The following ETNK2 variants were observed in gnomAD, a reference collection of about 807,000 sequenced individuals.
ETNK2 encodes ethanolamine kinase-like protein.
Under a neutral mutation model 46.2 loss-of-function variants are expected in ETNK2, and 33 were observed. The ratio of observed to expected loss-of-function variants is 0.71; its 90% CI spans 0.54 to 0.96. ETNK2 has a LOEUF of 0.96. ETNK2 is among the 40% of genes least tolerant of loss of function. The pLI, the probability that ETNK2 is intolerant of heterozygous loss-of-function variation, is 0.00. For missense variants in ETNK2, 445 were observed against 509.7 expected (o/e 0.87, Z 1.22); for synonymous variants, 194 against 209.0 (o/e 0.93, Z 0.62).
At chr1:204,139,689 T>A (rs1266666708) in intron 5 of ETNK2, among the ~76,000 whole-genome samples, 2 of 152,212 alleles carry the variant, frequency 1.3e-5, no homozygotes, top group Admixed American at 1.3e-4. Flanking sequence ...ATGACAGGGA[T>A]ACCTTCTGAG....
At chr1:204,137,853 A>G (rs1306077705) in intron 5 of ETNK2, among the ~76,000 whole-genome samples, 1 of 152,090 alleles carries the variant, frequency 6.6e-6, no homozygotes, top group East Asian at 1.9e-4. Context: ...GAACCCATGG[A>G]TCAGATGGCT....
At chr1:204,132,320 G>T in intron 7 of ETNK2, 64 bp from the exon 8 acceptor site, 1 of 1,341,416 alleles carries the variant, frequency 7.5e-7, no homozygotes, top group Non-Finnish European at 1.0e-6. Flanking sequence ...TGCTGGGGGT[G>T]CTGACATCAT....
intron 6 of ETNK2, among the ~76,000 whole-genome samples, chr1:204,134,952 G>A (rs1657225316): frequency 6.6e-6 from 1 of 152,124 alleles, no homozygotes; most frequent in African/African-American, 2.4e-5. Context: ...AGTCTTCAAG[G>A]CCAAGGTAGG....
rs1658003196 is a variant in ETNK2 at position 204,151,496 on chromosome 1, C to T, written c.258+99G>A. 6.7e-7 allele frequency: 1 copy of T among 1,492,400 alleles called. No homozygotes were observed. The highest frequency in any genetic ancestry group is 1.2e-5 in the South Asian group (1 of 80,656). 92.4% of individuals were successfully genotyped at this position (1,492,400 alleles called of 1,614,324 possible). A position where few individuals can be genotyped will look rare whatever the true frequency, so the allele number is the denominator to read the frequency against. ...CTTTCTTGCGCAGCAGCCGCGCACC[C>T]CTGGGACTGACACCCGGAAGGATGC... On this transcript the variant is annotated intron_variant, in intron 1 of 7. Coordinates refer to ENST00000367202, the MANE Select transcript of ETNK2 (RefSeq NM_018208.4). The surrounding 1 kb of genome is among the most constrained non-coding windows in gnomAD (Gnocchi z 8.0).
chr1:204,148,734 C>T (rs1657890967), intron 2 of ETNK2, among the ~76,000 whole-genome samples: 1 of 152,192 alleles, frequency 6.6e-6, no homozygotes, highest in Non-Finnish European at 1.5e-5. Flanking sequence ...CAGCCAGGTG[C>T]ATTTGGGGTT....
chr1:204,146,532 C>G, intron 3 of ETNK2, 110 bp downstream of exon 3: 1 of 1,312,560 alleles, frequency 7.6e-7, no homozygotes, highest in Non-Finnish European at 1.1e-6. Context: ...TCCCCAGCCT[C>G]CTCCCCGAGA....
In ETNK2 at chr1:204,141,827, C is replaced by T. The variant is rs147438910; in HGVS notation, c.642-370G>A. ...AGTGTCCAGACCTGGGGATTCCAGACTAAGAACAAGGGCAACAGGAGCAGT... is the reference window on the plus strand; with the variant it reads ...AGTGTCCAGACCTGGGGATTCCAGATTAAGAACAAGGGCAACAGGAGCAGT... On this transcript the variant is annotated intron_variant, in intron 3 of 7. Transcript: ENST00000367202. 4 of 205,972 alleles carry T rather than the reference C, an allele frequency of 1.9e-5. No homozygotes were observed. The South Asian group carries it at 3.0e-4, about 16-fold the overall frequency. The allele number at this position is 205,972 out of a possible 1,614,324, so 12.8% of individuals were successfully genotyped here.
chr1:204,142,966 T>C (rs75625478), intron 3 of ETNK2: 3,666 of 152,086 alleles, frequency 0.024, 136 homozygotes, highest in African/African-American at 0.08. Flanking sequence ...TACTTCTTCA[T>C]TTAAGGAAAG....
intron 2 of ETNK2, chr1:204,147,706 C>CT: frequency 2.6e-6 from 1 of 388,406 alleles, no homozygotes; most frequent in Non-Finnish European, 5.1e-6. Context: ...AAGGGGTATC[C>CT]TTTCTCTTGC....
chr1:204,135,018 G>A (rs1657228532), intron 6 of ETNK2, among the ~76,000 whole-genome samples: 1 of 152,192 alleles, frequency 6.6e-6, no homozygotes, highest in African/African-American at 2.4e-5. Flanking sequence ...TCAGTGGGGG[G>A]CTGGAGCCTC....
At position 204,140,278 on chromosome 1, in the gene ETNK2, CCATT is replaced by C. The variant is rs200480902; in HGVS notation, c.785-164_785-161del. On this transcript the variant is annotated intron_variant, in intron 4 of 7. Transcript: ENST00000367202. ...ACTGCAGCAGTCTTCCAAGCTACTT[CCATT>C]CATCCATCCATCCATCCATCCATCC... Among the ~76,000 whole-genome samples, 563 of 138,898 alleles carry C rather than the reference CCATT, an allele frequency of 4.1e-3. 1 individual carries two copies. Among genetic ancestry groups the C allele is most frequent in the African/African-American group, 0.015 (526 of 34,382 alleles). The allele number at this position is 138,898 out of a possible 152,430, so 91.1% of individuals were successfully genotyped here.
In ETNK2 at chr1:204,151,382, G is replaced by A; in HGVS notation, c.258+213C>T. On this transcript the variant is annotated intron_variant, in intron 1 of 7. Coordinates refer to ENST00000367202, the MANE Select transcript of ETNK2 (RefSeq NM_018208.4). This position sits in a 1 kb window ranked among gnomAD's most constrained non-coding sequence, Gnocchi z 8.0. ...CACCAGGCGTGCCTAAGAGCCCCGG[G>A]AGGAGGGGGGCGTGTGCAGGGCCAA... 1.5e-6 allele frequency: 1 copy of A among 682,436 alleles called. No homozygotes were observed. Among genetic ancestry groups the A allele is most frequent in the Non-Finnish European group, 2.3e-6 (1 of 429,382 alleles). 42.3% of individuals were successfully genotyped at this position (682,436 alleles called of 1,614,324 possible). A position where few individuals can be genotyped will look rare whatever the true frequency, so the allele number is the denominator to read the frequency against.
Position 204,151,689 on chromosome 1 carries a change from C to A in ETNK2, c.164G>T (p.Gly55Val), listed in dbSNP as rs1224147884. The change falls in exon 1 of 8, where the codon GGC becomes GTC. Residue 55 changes from glycine (G) to valine (V), a missense_variant. Physicochemically the swap from Gly to Val is moderately radical, Grantham distance 109. Coordinates refer to ENST00000367202, the MANE Select transcript of ETNK2 (RefSeq NM_018208.4). The surrounding 1 kb of genome is among the most constrained non-coding windows in gnomAD (Gnocchi z 8.0). The part of the protein sequence containing the change: ...PPRAAAVAYF[G>V]ISVDPDDILP... ...GATGTCGTCCGGGTCCACGGAAATG[C>A]CGAAGTACGCGACGGCGGCGGCCCT... 1.3e-6 allele frequency: 2 copies of A among 1,545,998 alleles called. No homozygotes were observed. Among genetic ancestry groups the A allele is most frequent in the Non-Finnish European group, 1.7e-6 (2 of 1,145,170 alleles).
intron 3 of ETNK2, chr1:204,142,608 A>G (rs1371326044): frequency 2.0e-5 from 3 of 152,348 alleles, no homozygotes; most frequent in Non-Finnish European, 2.9e-5. Flanking sequence ...CTGGGCTTTT[A>G]TCTCCATTCC....
At chr1:204,134,737 A>C (rs1657217616) in intron 6 of ETNK2, 149 bp from the exon 7 acceptor site, 2 of 1,556,718 alleles carry the variant, frequency 1.3e-6, no homozygotes, top group Non-Finnish European at 1.7e-6. Context: ...AAGCTGGGGA[A>C]ATTCTGGAGG....
Position 204,151,972 on chromosome 1 carries a change from GC to G in ETNK2, c.-121del. ...GAAGTCCATGACTCAGGCGCGAGCTGCCCGCTTCGATCGCCGGCTCGCGGCC... is the reference window on the plus strand; with the variant it reads ...GAAGTCCATGACTCAGGCGCGAGCTGCCGCTTCGATCGCCGGCTCGCGGCC... On this transcript the variant is annotated 5_prime_UTR_variant, in exon 1 of 8. Coordinates refer to ENST00000367202, the MANE Select transcript of ETNK2 (RefSeq NM_018208.4). This position sits in a 1 kb window ranked among gnomAD's most constrained non-coding sequence, Gnocchi z 8.0. 9.4e-7 allele frequency: 1 copy of G among 1,066,638 alleles called. No homozygotes were observed. Among genetic ancestry groups the G allele is most frequent in the Non-Finnish European group, 1.2e-6 (1 of 830,874 alleles). The allele number at this position is 1,066,638 out of a possible 1,614,324, so 66.1% of individuals were successfully genotyped here. A position where few individuals can be genotyped will look rare whatever the true frequency, so the allele number is the denominator to read the frequency against.
At chr1:204,144,345 C>CAAAAAAAAAAAAGAAAAAAAAAAAAAAAA (rs1657689443) in intron 3 of ETNK2, among the ~76,000 whole-genome samples, 1 of 33,340 alleles carries the variant, frequency 3.0e-5, no homozygotes. Context: ...GAATCCATCT[C>CAAAAAAAAAAAAGAAAAAAAAAAAAAAAA]AAAAAAAAAA....
intron 3 of ETNK2, among the ~76,000 whole-genome samples, chr1:204,145,261 C>T (rs1419261144): frequency 6.6e-6 from 1 of 152,244 alleles, no homozygotes; most frequent in African/African-American, 2.4e-5. Flanking sequence ...CCAGGGATTA[C>T]TCCCTCCCAG....
In ETNK2 at chr1:204,151,700, G is replaced by A. The variant is rs1217328041; in HGVS notation, c.153C>T (p.Val51=). 1 of 1,545,594 alleles carries A rather than the reference G, an allele frequency of 6.5e-7. No homozygotes were observed. The highest frequency in any genetic ancestry group is 2.0e-5 in the Admixed American group (1 of 50,164). The change falls in exon 1 of 8, where the codon GTC becomes GTT. Residue 51 remains valine, a synonymous_variant. Coordinates refer to ENST00000367202, the MANE Select transcript of ETNK2 (RefSeq NM_018208.4). The surrounding 1 kb of genome is among the most constrained non-coding windows in gnomAD (Gnocchi z 8.0). Reference sequence around the variant, plus strand: ...GGTCCACGGAAATGCCGAAGTACGCGACGGCGGCGGCCCTCGGGGGGCCCG... The same window carrying A: ...GGTCCACGGAAATGCCGAAGTACGCAACGGCGGCGGCCCTCGGGGGGCCCG... ...EPPGPPRAAA[V]AYFGISVDPD...
Sources: gnomAD v4.1 joint callset for allele counts (sites outside exome capture counted in the v4.1 genomes callset) on GRCh38, gnomAD v4.1.1 for gene constraint, Gnocchi (gnomAD v3.1) non-coding constraint, MANE v1.5 for transcripts, NCBI Gene and HGNC (gene_info 2026-07-23, HGNC 2026-07-21) for gene names.